The following CORO7 variants were observed in gnomAD, a reference collection of about 807,000 sequenced individuals.
CORO7 encodes the protein coronin-7.
In CORO7, 107 loss-of-function variants were observed where a neutral mutation model predicts 126.6. The ratio of observed to expected loss-of-function variants is 0.85; its 90% CI spans 0.72 to 0.99. The LOEUF is 0.99. Ranked by LOEUF, CORO7 falls within the 50% of genes least tolerant of loss-of-function variation. CORO7 has a pLI of 0.00. For synonymous variants in CORO7, 603 were observed against 536.8 expected (o/e 1.12, Z -1.70); for missense variants, 1,314 against 1,255.8 (o/e 1.05, Z -0.70).
chr16:4,358,048 A>G lies in CORO7; in HGVS notation c.2513T>C (p.Val838Ala). 1 of 1,613,414 alleles carries G rather than the reference A, an allele frequency of 6.2e-7. No individual in the cohort carries two copies. Among genetic ancestry groups the G allele is most frequent in the Non-Finnish European group, 8.5e-7 (1 of 1,179,718 alleles). The change falls in exon 25 of 28, where the codon GTG becomes GCG. Residue 838 changes from valine to alanine, a missense_variant. Coordinates refer to ENST00000251166, the MANE Select transcript of CORO7 (RefSeq NM_024535.5). ...TTGCAGCCAGGCCTCGGCACTGAGC[A>G]CAGGCTCCCAGATCACAGCCGTGTC... ...FPDTAVIWEPVLSAEAWLQGA... is the reference protein window; with the variant it reads ...FPDTAVIWEPALSAEAWLQGA...
rs767255944 is a variant in CORO7 at position 4,388,076 on chromosome 16, G to A, written c.703-8C>T. The A allele has an allele frequency of 3.1e-6, 5 of 1,608,582 alleles. No individual in the cohort carries two copies. In the Admixed American group the frequency reaches 6.7e-5, roughly 22 times the overall value. The stretch of plus-strand genomic sequence containing the variant: ...CACTTCGCGCTCACGCATCTGCAGG[G>A]AGGGCGAGAGAGGGGCTCAGAGGGG... On this transcript the variant is annotated splice_region_variant and splice_polypyrimidine_tract_variant and intron_variant, in intron 8 of 27. Coordinates refer to ENST00000251166, the MANE Select transcript of CORO7 (RefSeq NM_024535.5).
At chr16:4,388,822 GC>G (rs2055287042) in intron 7 of CORO7, among the ~76,000 whole-genome samples, 191 bp from the exon 8 acceptor site, 2 of 152,120 alleles carry the variant, frequency 1.3e-5, no homozygotes, top group African/African-American at 4.8e-5. Context: ...CCGGGGATCA[GC>G]CCCGCCTCCG....
rs2054130709 is a variant in CORO7, at chr16:4,360,492, A to G, written c.1974T>C (p.Asp658=). 1 of 1,612,272 alleles carries G rather than the reference A, an allele frequency of 6.2e-7. No individual in the cohort carries two copies. The highest frequency in any genetic ancestry group is 2.2e-5 in the East Asian group (1 of 44,860). Reference sequence around the variant, plus strand: ...GGGGCCTGTAGACCCGCACACGCCCATCCTTGCAGACAGTGGCCAGCTGCT... The same window carrying G: ...GGGGCCTGTAGACCCGCACACGCCCGTCCTTGCAGACAGTGGCCAGCTGCT... The part of the protein sequence containing the change: ...DGQQLATVCK[D]GRVRVYRPRS... The change falls in exon 20 of 28, where the codon GAT becomes GAC. Residue 658 remains aspartate (D), a synonymous_variant. Coordinates refer to ENST00000251166, the MANE Select transcript of CORO7 (RefSeq NM_024535.5).
intron 9 of CORO7, among the ~76,000 whole-genome samples, chr16:4,377,858 G>C (rs187131621): frequency 7.2e-5 from 11 of 152,144 alleles, no homozygotes; most frequent in Non-Finnish European, 1.3e-4. Context: ...GCTGGCTGCC[G>C]CCTGCTGGAT....
chr16:4,364,198 AG>A, intron 14 of CORO7, 77 bp downstream of exon 14: 3 of 1,403,216 alleles, frequency 2.1e-6, no homozygotes, highest in East Asian at 2.7e-5. Context: ...AAAAAAAAAA[AG>A]GCCGTTCAGC....
At chr16:4,355,659 G>T in intron 26 of CORO7, 1 of 368,864 alleles carries the variant, frequency 2.7e-6, no homozygotes, top group Non-Finnish European at 5.1e-6. Flanking sequence ...TAGTAGAGAC[G>T]GGGGTTTCAC....
At chr16:4,397,786 T>C (rs1278201200) in intron 6 of CORO7, among the ~76,000 whole-genome samples, 1 of 151,908 alleles carries the variant, frequency 6.6e-6, no homozygotes, top group Non-Finnish European at 1.5e-5. Context: ...GCTAATTTTT[T>C]GTATTTTTAC....
chr16:4,408,117 G>A (rs1168775436), intron 4 of CORO7, 64 bp downstream of exon 4: 6 of 1,611,294 alleles, frequency 3.7e-6, no homozygotes, highest in Non-Finnish European at 4.2e-6. Flanking sequence ...ATGGCGCTGG[G>A]GCTCAGAAGG....
At chr16:4,358,301 G>C (rs752203304) in intron 24 of CORO7, 66 bp downstream of exon 24, 1 of 1,574,130 alleles carries the variant, frequency 6.4e-7, no homozygotes. Flanking sequence ...GGTCAGACGG[G>C]ACCCAAACTC....
chr16:4,358,892 A>G, intron 23 of CORO7: 1 of 265,992 alleles, frequency 3.8e-6, no homozygotes, highest in Non-Finnish European at 7.1e-6. Context: ...TTTTAATATT[A>G]TTTTTAGGTT....
chr16:4,413,429 T>G, intron 1 of CORO7, 25 bp from the exon 2 acceptor site: 2 of 1,552,980 alleles, frequency 1.3e-6, no homozygotes, highest in Non-Finnish European at 1.7e-6. Flanking sequence ...TAAAGAAGTA[T>G]GTGGTGAGAG....
intron 9 of CORO7, chr16:4,382,327 C>T: frequency 6.2e-7 from 1 of 1,611,262 alleles, no homozygotes; most frequent in Non-Finnish European, 8.5e-7. Context: ...GCAGCGCTAC[C>T]TCCAGGGGAG....
rs1407805133 is a variant in CORO7 at position 4,354,854 on chromosome 16, C to A, written c.*304G>T. On this transcript the variant is annotated 3_prime_UTR_variant, in exon 28 of 28. Coordinates refer to ENST00000251166, the MANE Select transcript of CORO7 (RefSeq NM_024535.5). Reference sequence around the variant, plus strand: ...GACCAGCCCAGGTCAGCAGTGAGACCAGGGGAGACAGGGTGCCCAGGGCCT... The same window carrying A: ...GACCAGCCCAGGTCAGCAGTGAGACAAGGGGAGACAGGGTGCCCAGGGCCT... The A allele has an allele frequency of 7.4e-6, 3 of 405,168 alleles. No homozygotes were observed. Among genetic ancestry groups the A allele is most frequent in the Non-Finnish European group, 1.3e-5 (3 of 228,428 alleles). The allele number at this position is 405,168 out of a possible 1,614,324, so 25.1% of individuals were successfully genotyped here.
intron 1 of CORO7, chr16:4,415,763 C>T (rs963572649): frequency 7.8e-5 from 77 of 985,436 alleles, no homozygotes; most frequent in Admixed American, 6.1e-5. Flanking sequence ...TTCCAAGGCG[C>T]ACCCCTCATC....
intron 26 of CORO7, 145 bp from the exon 27 acceptor site, chr16:4,355,517 G>T: frequency 1.2e-6 from 1 of 839,872 alleles, no homozygotes; most frequent in Non-Finnish European, 1.8e-6. Flanking sequence ...CAGGCTGGAT[G>T]GAGTGCAGTG....
intron 6 of CORO7, among the ~76,000 whole-genome samples, chr16:4,401,733 C>A (rs938801628): frequency 2.6e-5 from 4 of 151,910 alleles, no homozygotes; most frequent in Non-Finnish European, 4.4e-5. Context: ...AGGACACGAG[C>A]GACAGCAAGC....
chr16:4,404,980 C>T (rs1393892021), intron 6 of CORO7, among the ~76,000 whole-genome samples: 3 of 152,190 alleles, frequency 2.0e-5, no homozygotes, highest in African/African-American at 4.8e-5. Flanking sequence ...CCGCCTGCCC[C>T]GCACCTGCCT....
intron 7 of CORO7, among the ~76,000 whole-genome samples, chr16:4,393,914 C>T (rs2055485589): frequency 6.6e-6 from 1 of 152,118 alleles, no homozygotes; most frequent in South Asian, 2.1e-4. Flanking sequence ...GCCTGACCAA[C>T]ATGGTGAAAC....
chr16:4,357,142 G>A (rs143390024), intron 26 of CORO7, 26 bp downstream of exon 26: 16 of 1,612,964 alleles, frequency 9.9e-6, no homozygotes, highest in African/African-American at 4.0e-5. Flanking sequence ...TGTCACCTCC[G>A]CACAGCTGCT....
Sources: gnomAD v4.1 joint callset for allele counts (sites outside exome capture counted in the v4.1 genomes callset) on GRCh38, gnomAD v4.1.1 for gene constraint, MANE v1.5 for transcripts, NCBI Gene and HGNC (gene_info 2026-07-23, HGNC 2026-07-21) for gene names.